BMPER: variants seen among roughly 807,000 people sequenced by gnomAD.
BMPER encodes the protein BMP binding endothelial regulator.
BMPER carries 45 observed loss-of-function variants against 87.3 expected under a neutral mutation model. That is an observed-to-expected ratio of 0.52 (90% CI 0.41 to 0.66). The LOEUF is 0.66. Among genes scored for constraint, BMPER ranks in the 30% least tolerant of loss-of-function variants. The pLI is 0.00. For missense variants in BMPER, 784 were observed against 867.5 expected (o/e 0.90, Z 1.21); for synonymous variants, 326 against 316.2 (o/e 1.03, Z -0.33).
At chr7:34,031,608 C>T in intron 6 of BMPER, among the ~76,000 whole-genome samples, 1 of 151,740 alleles carries the variant, frequency 6.6e-6, no homozygotes, top group Non-Finnish European at 1.5e-5. Context: ...TAGCCCCGTT[C>T]TCTTGGCCAG....
At chr7:34,136,942 G>A (rs1401894036) in intron 13 of BMPER, among the ~76,000 whole-genome samples, 1 of 152,246 alleles carries the variant, frequency 6.6e-6, no homozygotes, top group Non-Finnish European at 1.5e-5. Context: ...GGAAGCAGAG[G>A]CACTTGCCTC....
chr7:34,125,008 C>G (rs957620011), intron 13 of BMPER, among the ~76,000 whole-genome samples: 1 of 150,874 alleles, frequency 6.6e-6, no homozygotes, highest in African/African-American at 2.4e-5. Context: ...AAAAAAAAAA[C>G]CCAGTATTTG....
chr7:33,986,439 G>A (rs1469853466), intron 6 of BMPER, among the ~76,000 whole-genome samples: 1 of 152,204 alleles, frequency 6.6e-6, no homozygotes, highest in Non-Finnish European at 1.5e-5. Flanking sequence ...TATAGCTGTT[G>A]ATTTGAGTAT....
chr7:34,070,470 G>A (rs367763277), intron 11 of BMPER, among the ~76,000 whole-genome samples: 14 of 152,088 alleles, frequency 9.2e-5, no homozygotes, highest in African/African-American at 2.7e-4. Flanking sequence ...CATGGCAGCC[G>A]GACACTCATC....
intron 6 of BMPER, among the ~76,000 whole-genome samples, chr7:33,978,483 C>T (rs1008862580): frequency 6.6e-6 from 1 of 152,140 alleles, no homozygotes; most frequent in Non-Finnish European, 1.5e-5. Flanking sequence ...AAATTCATAC[C>T]TCAGAATGTT....
chr7:34,091,051 G>T (rs1406792278), intron 13 of BMPER, among the ~76,000 whole-genome samples: 1 of 152,158 alleles, frequency 6.6e-6, no homozygotes, highest in African/African-American at 2.4e-5. Context: ...GGAGGTGGGA[G>T]GTCGTGCGGG....
intron 11 of BMPER, among the ~76,000 whole-genome samples, chr7:34,066,485 A>G (rs988042314): frequency 2.0e-5 from 3 of 152,234 alleles, no homozygotes; most frequent in Non-Finnish European, 4.4e-5. Context: ...TGGGCTACAC[A>G]AACTTCATAA....
At chr7:34,038,264 A>T (rs894519622) in intron 6 of BMPER, among the ~76,000 whole-genome samples, 2 of 152,180 alleles carry the variant, frequency 1.3e-5, no homozygotes, top group Non-Finnish European at 2.9e-5. Context: ...AGGAGATGTG[A>T]TGATGAGCAG....
chr7:34,056,337 G>A (rs2127962461), intron 9 of BMPER, among the ~76,000 whole-genome samples: 2 of 152,192 alleles, frequency 1.3e-5, no homozygotes, highest in South Asian at 4.1e-4. Flanking sequence ...AACCACTATG[G>A]CACACGTTTA....
chr7:33,926,770 T>C (rs1173785695), intron 2 of BMPER, among the ~76,000 whole-genome samples: 1 of 152,258 alleles, frequency 6.6e-6, no homozygotes, highest in Non-Finnish European at 1.5e-5. Context: ...CAGGGGACGC[T>C]GTCCAAGGCT....
At chr7:34,041,868 T>C (rs1787842010) in intron 6 of BMPER, among the ~76,000 whole-genome samples, 1 of 152,092 alleles carries the variant, frequency 6.6e-6, no homozygotes. Flanking sequence ...GCTGAGTCAT[T>C]GTAACGGGTT....
intron 3 of BMPER, among the ~76,000 whole-genome samples, chr7:33,950,426 A>G (rs1016049723): frequency 3.9e-5 from 6 of 152,074 alleles, no homozygotes; most frequent in African/African-American, 9.7e-5. Context: ...ATTAACCCAC[A>G]GTTTCTGTGG....
intron 2 of BMPER, among the ~76,000 whole-genome samples, chr7:33,930,809 G>C (rs115264444): frequency 0.02 from 3,005 of 152,224 alleles, 91 homozygotes; most frequent in African/African-American, 0.068. Context: ...AATTAGCAAG[G>C]CATGGTGGTA....
intron 6 of BMPER, among the ~76,000 whole-genome samples, chr7:34,003,611 C>G (rs988538173): frequency 6.6e-6 from 1 of 152,004 alleles, no homozygotes; most frequent in Non-Finnish European, 1.5e-5. Flanking sequence ...TAGGGCATAT[C>G]TGCTAGTAAT....
chr7:34,119,002 T>A (rs1410962678), intron 13 of BMPER, among the ~76,000 whole-genome samples: 13 of 46,060 alleles, frequency 2.8e-4, no homozygotes, highest in South Asian at 1.4e-3. Context: ...TCACTGTCTC[T>A]CTCTCTCTCT....
At chr7:34,117,674 C>G (rs1562754902) in intron 13 of BMPER, among the ~76,000 whole-genome samples, 1 of 152,204 alleles carries the variant, frequency 6.6e-6, no homozygotes, top group African/African-American at 2.4e-5. Flanking sequence ...ACCTTGGACA[C>G]TGTGGGTCTC....
At chr7:34,119,394 C>T (rs1468962229) in intron 13 of BMPER, among the ~76,000 whole-genome samples, 2 of 152,190 alleles carry the variant, frequency 1.3e-5, no homozygotes, top group Non-Finnish European at 2.9e-5. Context: ...CTTTTTCTCC[C>T]TATAGCACAT....
At chr7:34,090,295 G>T (rs1304013520) in intron 13 of BMPER, among the ~76,000 whole-genome samples, 5 of 152,314 alleles carry the variant, frequency 3.3e-5, no homozygotes, top group Non-Finnish European at 5.9e-5. Context: ...AAGTTGTTTA[G>T]ATTATATTTG....
At chr7:33,937,513 G>GTGTGTGTGTGTGT in intron 3 of BMPER, 125 bp downstream of exon 3, 1 of 733,602 alleles carries the variant, frequency 1.4e-6, no homozygotes, top group East Asian at 2.8e-5. Flanking sequence ...GGAGAAGTAG[G>GTGTGTGTGTGTGT]GTGTGTGTGT....
Sources: gnomAD v4.1 joint callset for allele counts (sites outside exome capture counted in the v4.1 genomes callset) on GRCh38, gnomAD v4.1.1 for gene constraint, MANE v1.5 for transcripts, NCBI Gene and HGNC (gene_info 2026-07-23, HGNC 2026-07-21) for gene names.